Variants in HYCC2 observed in about 807,000 individuals in gnomAD.
HYCC2 encodes hyccin PI4KA lipid kinase complex subunit 2.
the HYCC2 span, among the ~76,000 whole-genome samples, chr2:201,033,140 G>A: frequency 1.4e-5 from 2 of 142,032 alleles, no homozygotes; most frequent in Non-Finnish European, 1.5e-5. Context: ...AAATCAAAAA[G>A]CTATTTGTAT....
At chr2:201,012,653 A>G in the HYCC2 span, among the ~76,000 whole-genome samples, 1 of 152,090 alleles carries the variant, frequency 6.6e-6, no homozygotes, top group Non-Finnish European at 1.5e-5. Context: ...TGTTATAAAT[A>G]AATATGTGCA....
the HYCC2 span, among the ~76,000 whole-genome samples, chr2:201,059,915 C>T: frequency 6.6e-6 from 1 of 152,080 alleles, no homozygotes; most frequent in South Asian, 2.1e-4. Context: ...CGTAGTGGCA[C>T]ATGCCTGTAA....
At chr2:201,033,190 T>TGAGA in the HYCC2 span, among the ~76,000 whole-genome samples, 20 of 142,320 alleles carry the variant, frequency 1.4e-4, no homozygotes, top group African/African-American at 3.3e-4. Context: ...TGTGTGTGTG[T>TGAGA]GTGTGTGAGA....
chr2:200,998,755 G>C, the HYCC2 span, among the ~76,000 whole-genome samples: 1 of 152,096 alleles, frequency 6.6e-6, no homozygotes, highest in Non-Finnish European at 1.5e-5. Flanking sequence ...TTAAATCCTC[G>C]GGTAGGAACT....
chr2:201,023,864 T>G, the HYCC2 span: 3 of 921,486 alleles, frequency 3.3e-6, no homozygotes, highest in Non-Finnish European at 5.2e-6. Flanking sequence ...TGTTTCTCCA[T>G]AGAGCACATA....
At chr2:201,047,500 GTAGA>G in the HYCC2 span, among the ~76,000 whole-genome samples, 1 of 144,796 alleles carries the variant, frequency 6.9e-6, no homozygotes, top group South Asian at 2.1e-4. Context: ...TCCTAGAAAA[GTAGA>G]TAAATTGATA....
the HYCC2 span, among the ~76,000 whole-genome samples, chr2:200,982,850 C>T: frequency 0.011 from 1,726 of 152,260 alleles, 17 homozygotes; most frequent in Non-Finnish European, 0.017. Context: ...CTCTGCCTCC[C>T]AGGTTCAAGT....
At chr2:201,007,564 T>G in the HYCC2 span, among the ~76,000 whole-genome samples, 7 of 152,218 alleles carry the variant, frequency 4.6e-5, no homozygotes, top group African/African-American at 1.7e-4. Context: ...GGGCCATCTA[T>G]AAACTGGCCT....
the HYCC2 span, among the ~76,000 whole-genome samples, chr2:200,992,714 T>A: frequency 6.6e-6 from 1 of 152,234 alleles, no homozygotes; most frequent in Non-Finnish European, 1.5e-5. Flanking sequence ...TGACTAGTTA[T>A]GTTATATTTT....
the HYCC2 span, among the ~76,000 whole-genome samples, chr2:201,047,834 A>C: frequency 6.6e-6 from 1 of 151,470 alleles, no homozygotes; most frequent in Non-Finnish European, 1.5e-5. Flanking sequence ...GCTAATCTAG[A>C]ATACTATGCC....
At chr2:201,016,544 G>T in the HYCC2 span, among the ~76,000 whole-genome samples, 1 of 151,880 alleles carries the variant, frequency 6.6e-6, no homozygotes, top group Middle Eastern at 3.4e-3. Flanking sequence ...GCCTCCTAAA[G>T]TGCTGGAATT....
At chr2:201,047,284 G>A in the HYCC2 span, among the ~76,000 whole-genome samples, 3 of 150,758 alleles carry the variant, frequency 2.0e-5, no homozygotes, top group African/African-American at 7.3e-5. Flanking sequence ...TAAACTAGAA[G>A]ACAAATCAAT....
At chr2:201,003,346 G>A in the HYCC2 span, among the ~76,000 whole-genome samples, 3 of 152,158 alleles carry the variant, frequency 2.0e-5, no homozygotes, top group Non-Finnish European at 4.4e-5. Context: ...AATGTGTCCA[G>A]CCCAAGACTT....
At chr2:201,004,062 C>T in the HYCC2 span, among the ~76,000 whole-genome samples, 6 of 152,046 alleles carry the variant, frequency 3.9e-5, no homozygotes, top group South Asian at 2.1e-4. Context: ...GTGATCCACC[C>T]GCCTCAGCCT....
At chr2:201,048,514 TTTTTTTTA>T in the HYCC2 span, among the ~76,000 whole-genome samples, 1 of 151,630 alleles carries the variant, frequency 6.6e-6, no homozygotes. Context: ...CAATTTTTTT[TTTTTTTTA>T]AGCTCATCAG....
the HYCC2 span, chr2:200,987,547 A>G: frequency 7.8e-7 from 1 of 1,288,864 alleles, no homozygotes; most frequent in Non-Finnish European, 1.0e-6. Context: ...GATTCAACAT[A>G]TAACATTTTA....
the HYCC2 span, among the ~76,000 whole-genome samples, chr2:201,068,050 C>T: frequency 5.4e-4 from 82 of 152,082 alleles, no homozygotes; most frequent in African/African-American, 2.0e-3. Context: ...TTATGGAGGC[C>T]GAGGCAGGCG....
chr2:201,057,274 C>G, the HYCC2 span, among the ~76,000 whole-genome samples: 1 of 152,202 alleles, frequency 6.6e-6, no homozygotes, highest in East Asian at 1.9e-4. Context: ...CTATATTTGT[C>G]TATCCTCTTT....
At chr2:201,049,282 A>AC in the HYCC2 span, among the ~76,000 whole-genome samples, 4 of 152,210 alleles carry the variant, frequency 2.6e-5, no homozygotes, top group Non-Finnish European at 5.9e-5. Context: ...GGTGCAATTA[A>AC]CAACCAACCA....
Sources: gnomAD v4.1 joint callset for allele counts (sites outside exome capture counted in the v4.1 genomes callset) on GRCh38, gnomAD v4.1.1 for gene constraint, MANE v1.5 for transcripts, NCBI Gene and HGNC (gene_info 2026-07-23, HGNC 2026-07-21) for gene names.